ABCA12: variants seen among roughly 807,000 people sequenced by gnomAD.
ABCA12 encodes the protein glucosylceramide transporter ABCA12.
Under a neutral mutation model 293.5 loss-of-function variants are expected in ABCA12, and 156 were observed. That is an observed-to-expected ratio of 0.53 (90% CI 0.47 to 0.61). The LOEUF (loss-of-function observed/expected upper bound fraction) is 0.61, where lower values mean the gene tolerates loss of function less well. Among genes scored for constraint, ABCA12 ranks in the 20% least tolerant of loss-of-function variants. The pLI, the probability that ABCA12 is intolerant of heterozygous loss-of-function variation, is 0.00. For missense variants in ABCA12, 2,797 were observed against 3,090.2 expected, an observed-to-expected ratio of 0.91 and a Z score of 2.25; for synonymous variants, 1,063 against 1,108.0, an observed-to-expected ratio of 0.96 and a Z score of 0.81.
Position 214,997,680 on chromosome 2 carries a change from T to C in ABCA12, c.3294+15A>G, listed in dbSNP as rs763794098. 1.3e-6 allele frequency: 2 copies of C among 1,543,294 alleles called. No individual in the cohort carries two copies. Among genetic ancestry groups the C allele is most frequent in the Non-Finnish European group, 1.8e-6 (2 of 1,116,404 alleles). On this transcript the variant is annotated intron_variant, in intron 23 of 52. Coordinates refer to ENST00000272895, the MANE Select transcript of ABCA12 (RefSeq NM_173076.3). ...AACAGGACTTATTCATAACAAGAAG[T>C]GATTTTCAACATACCTCATGAAGCC...
intron 1 of ABCA12, among the ~76,000 whole-genome samples, chr2:215,132,162 G>A (rs1477712557): frequency 6.6e-6 from 1 of 151,988 alleles, no homozygotes; most frequent in Non-Finnish European, 1.5e-5. Flanking sequence ...CAAGCATACA[G>A]TTAATTTTGG....
rs901068191 is a variant in ABCA12, at chr2:215,018,056, C to A, written c.1734G>T (p.Arg578Ser). ...GAATGGCCAGCAACTTGTCAATAGT[C>A]CTGTTGGACATTCCTGTTGTTCTCC... ...DLRRTTGMSN[R>S]TIDKLLAIPI... is the part of the protein sequence containing the mutation. The change falls in exon 14 of 53, where the codon AGG (arginine) becomes AGT (serine). Residue 578 changes from arginine (R) to serine (S), a missense_variant. Coordinates refer to ENST00000272895, the MANE Select transcript of ABCA12 (RefSeq NM_173076.3). 3.1e-6 allele frequency: 5 copies of A among 1,614,004 alleles called. No homozygotes were observed. In the African/African-American group the frequency reaches 4.0e-5, roughly 13 times the overall value.
At chr2:214,998,286 A>C (rs1206380717) in intron 22 of ABCA12, among the ~76,000 whole-genome samples, 2 of 152,190 alleles carry the variant, frequency 1.3e-5, no homozygotes, top group Non-Finnish European at 2.9e-5. Context: ...ATTTCTAAAA[A>C]TGAAATAAAA....
chr2:215,048,745 A>G (rs2106052692), intron 6 of ABCA12, among the ~76,000 whole-genome samples: 1 of 152,204 alleles, frequency 6.6e-6, no homozygotes, highest in African/African-American at 2.4e-5. Flanking sequence ...AAAGACATGG[A>G]ATCAACCTAA....
chr2:214,989,273 G>GATTTATAT, intron 26 of ABCA12, 56 bp downstream of exon 26: 1 of 1,547,774 alleles, frequency 6.5e-7, no homozygotes, highest in Non-Finnish European at 8.8e-7. Context: ...ATTATTAGTT[G>GATTTATAT]ATTTATATTG....
chr2:214,955,215 T>G lies in ABCA12; in HGVS notation c.6380A>C (p.Lys2127Thr), dbSNP rs181876463. The G allele has an allele frequency of 1.2e-6, 2 of 1,614,090 alleles. No individual in the cohort carries two copies. Among genetic ancestry groups the G allele is most frequent in the Non-Finnish European group, 1.7e-6 (2 of 1,179,976 alleles). The change falls in exon 43 of 53, where the codon AAG becomes ACG. Residue 2127 changes from lysine to threonine, a missense_variant. Lys to Thr is a moderately conservative substitution (Grantham distance 78). This residue lies in a region of ABCA12 where 2,130 missense variants were observed against 2,427.0 expected (regional missense o/e 0.88). Transcript: ENST00000272895. ...LSVVYFLSKE[K>T]PNDPTLELIS... ...AAGGGACCTTACCGGATCATTAGGCTTTTCCTTGGAAAGAAAGTATACCAC... is the reference window on the plus strand; with the variant it reads ...AAGGGACCTTACCGGATCATTAGGCGTTTCCTTGGAAAGAAAGTATACCAC...
At chr2:214,979,604 C>G (rs1341007699) in intron 31 of ABCA12, among the ~76,000 whole-genome samples, 3 of 151,768 alleles carry the variant, frequency 2.0e-5, no homozygotes, top group Non-Finnish European at 4.4e-5. Context: ...AAATAATTTA[C>G]TTATTGATCG....
intron 36 of ABCA12, 142 bp from the exon 37 acceptor site, chr2:214,970,542 AGCTTTG>A: frequency 1.1e-6 from 1 of 902,514 alleles, no homozygotes; most frequent in Admixed American, 2.7e-5. Context: ...GACTCTAAAG[AGCTTTG>A]AAAAAGAAGT....
In ABCA12 at chr2:214,978,717, A is replaced by T. The variant is rs532396680; in HGVS notation, c.4977+87T>A. The T allele has an allele frequency of 3.4e-5, 49 of 1,452,044 alleles. No individual in the cohort carries two copies. In the East Asian group the frequency reaches 5.9e-4, roughly 18 times the overall value. 89.9% of individuals were successfully genotyped at this position (1,452,044 alleles called of 1,614,324 possible). On this transcript the variant is annotated intron_variant, in intron 32 of 52. Coordinates refer to ENST00000272895, the MANE Select transcript of ABCA12 (RefSeq NM_173076.3). ...TCTAATTTTGTGAACTATTTTAAAA[A>T]TTTTTTTAGAAAAATGGCACATATT...
At chr2:214,987,908 C>T in intron 26 of ABCA12, 115 bp from the exon 27 acceptor site, 3 of 1,307,668 alleles carry the variant, frequency 2.3e-6, no homozygotes, top group Non-Finnish European at 3.2e-6. Context: ...TTTTTTGACA[C>T]TATATAAAAC....
chr2:214,977,821 G>A (rs578175380), intron 33 of ABCA12, among the ~76,000 whole-genome samples: 37 of 151,638 alleles, frequency 2.4e-4, no homozygotes, highest in African/African-American at 8.2e-4. Flanking sequence ...TCAGAGTCAC[G>A]TAGGTTAGAC....
rs774635384 is a variant in ABCA12 at position 214,986,702 on chromosome 2, T to A, written c.4003A>T (p.Ile1335Phe). The change falls in exon 28 of 53, where the codon ATC becomes TTC. Residue 1335 changes from isoleucine to phenylalanine, a missense_variant. This residue lies in a region of ABCA12 where 2,130 missense variants were observed against 2,427.0 expected (regional missense o/e 0.88). Coordinates refer to ENST00000272895, the MANE Select transcript of ABCA12 (RefSeq NM_173076.3). ...GTGAGATCTTTAGGTTCAGGCTCGA[T>A]GTTAGAGGAAAACATGTATTCAGGA... ...ASPEYMFSSN[I>F]EPEPKDLTVG... 18 of 1,613,998 alleles carry A rather than the reference T, an allele frequency of 1.1e-5. No homozygotes were observed. Among genetic ancestry groups the A allele is most frequent in the African/African-American group, 1.3e-5 (1 of 74,914 alleles).
intron 9 of ABCA12, chr2:215,029,272 C>T (rs1321683944): frequency 6.6e-6 from 1 of 152,166 alleles, no homozygotes; most frequent in African/African-American, 2.4e-5. Flanking sequence ...AGGATAAATA[C>T]ATAAGGAAAA....
At chr2:215,064,522 A>C (rs1701601097) in intron 2 of ABCA12, among the ~76,000 whole-genome samples, 1 of 152,116 alleles carries the variant, frequency 6.6e-6, no homozygotes, top group Non-Finnish European at 1.5e-5. Context: ...AGTTGCAAGA[A>C]TGTTTGCCAG....
At chr2:215,134,577 ATCTCTC>A (rs370388681) in intron 1 of ABCA12, among the ~76,000 whole-genome samples, 1,689 of 76,820 alleles carry the variant, frequency 0.022, 178 homozygotes, top group African/African-American at 0.068. Context: ...TATATATATA[ATCTCTC>A]TCTCTCTCTC....
chr2:215,016,239 C>G (rs1394796900), intron 14 of ABCA12, among the ~76,000 whole-genome samples: 2 of 151,588 alleles, frequency 1.3e-5, no homozygotes, highest in Non-Finnish European at 2.9e-5. Flanking sequence ...AATGATGATA[C>G]CAAGAAAGAC....
intron 1 of ABCA12, among the ~76,000 whole-genome samples, chr2:215,135,922 CTCTT>C (rs1432956963): frequency 6.6e-6 from 1 of 152,146 alleles, no homozygotes; most frequent in Admixed American, 6.5e-5. Flanking sequence ...AAGGAAATTT[CTCTT>C]TCTTTGCCCT....
intron 1 of ABCA12, among the ~76,000 whole-genome samples, chr2:215,119,734 T>TAAAAAAAAAAAAAAAAAAAGA (rs386654995): frequency 5.3e-5 from 4 of 75,302 alleles, no homozygotes; most frequent in Non-Finnish European, 1.0e-4. Context: ...CATTAAAAAG[T>TAAAAAAAAAAAAAAAAAAAGA]AAAAAAAAAA....
intron 1 of ABCA12, among the ~76,000 whole-genome samples, chr2:215,124,673 A>T (rs111311812): frequency 0.082 from 12,512 of 151,880 alleles, 1,191 homozygotes; most frequent in African/African-American, 0.23. Context: ...CTTGCTGATC[A>T]ATTTGAGTTC....
Sources: gnomAD v4.1 joint callset for allele counts (sites outside exome capture counted in the v4.1 genomes callset) on GRCh38, gnomAD v4.1.1 for gene constraint, gnomAD v4.1.1 regional missense constraint, MANE v1.5 for transcripts, NCBI Gene and HGNC (gene_info 2026-07-23, HGNC 2026-07-21) for gene names.